The following SIK2 variants were observed in gnomAD, a reference collection of about 807,000 sequenced individuals.
SIK2 encodes the protein salt inducible kinase 2, also known as serine/threonine-protein kinase SIK2.
A neutral mutation model predicts 103.2 loss-of-function variants in SIK2; 29 were observed. The observed-to-expected ratio is 0.28, with a 90% confidence interval of 0.21 to 0.38. The LOEUF is 0.38. SIK2 is among the 10% of genes least tolerant of loss of function. SIK2 has a pLI of 1.00. For synonymous variants in SIK2, 412 were observed against 446.1 expected, an observed-to-expected ratio of 0.92 and a Z score of 0.96; for missense variants, 879 against 1,171.0, an observed-to-expected ratio of 0.75 and a Z score of 3.64.
intron 3 of SIK2, chr11:111,671,731 A>G (rs538008714): frequency 9.9e-6 from 4 of 402,986 alleles, no homozygotes; most frequent in South Asian, 8.6e-5. Flanking sequence ...TGATCTCATC[A>G]GTCAACCCTT....
intron 3 of SIK2, among the ~76,000 whole-genome samples, chr11:111,630,572 T>G (rs1335623398): frequency 1.3e-5 from 2 of 152,132 alleles, no homozygotes; most frequent in African/African-American, 4.8e-5. Flanking sequence ...AATGAAGCTG[T>G]AATAATGAGA....
At chr11:111,604,310 T>C (rs1941620823) in intron 1 of SIK2, among the ~76,000 whole-genome samples, 1 of 152,274 alleles carries the variant, frequency 6.6e-6, no homozygotes. Context: ...TTAATGACTT[T>C]CTAAAAACAA....
At chr11:111,718,950 C>T (rs888523671) in intron 9 of SIK2, 2 of 152,260 alleles carry the variant, frequency 1.3e-5, no homozygotes, top group Non-Finnish European at 2.9e-5. Context: ...GTTCTGCCTG[C>T]CATTAGGCAG....
chr11:111,643,495 T>C (rs1030684771), intron 3 of SIK2, among the ~76,000 whole-genome samples: 17 of 151,740 alleles, frequency 1.1e-4, no homozygotes, highest in Non-Finnish European at 2.4e-4. Context: ...TATTTGAAAA[T>C]GTAGAGTAGA....
At position 111,705,412 on chromosome 11, in the gene SIK2, A is replaced by G. The variant is rs1264633034; in HGVS notation, c.1101+273A>G. ...CCTTTACATTCAATTCCATTTAACA[A>G]ATTTTTATTACAGATTTACCACGTG... On this transcript the variant is annotated intron_variant, in intron 8 of 14. Coordinates refer to ENST00000304987, the MANE Select transcript of SIK2 (RefSeq NM_015191.3). The surrounding 1 kb of genome is among the most constrained non-coding windows in gnomAD (Gnocchi z 4.3). 6.6e-6 allele frequency among the ~76,000 whole-genome samples: 1 copy of G among 152,218 alleles called. No individual in the cohort carries two copies. The highest frequency in any genetic ancestry group is 2.4e-5 in the African/African-American group (1 of 41,454).
chr11:111,713,921 C>T (rs977117846), intron 9 of SIK2, among the ~76,000 whole-genome samples: 8 of 152,070 alleles, frequency 5.3e-5, no homozygotes, highest in Non-Finnish European at 1.0e-4. Flanking sequence ...GAGCCGAGAT[C>T]GTGCCATTGC....
chr11:111,658,990 T>A (rs1460940455), intron 3 of SIK2, among the ~76,000 whole-genome samples: 1 of 152,162 alleles, frequency 6.6e-6, no homozygotes, highest in African/African-American at 2.4e-5. Context: ...CAGAGAAGGA[T>A]TTGAAAATCA....
chr11:111,670,636 C>G (rs1322870534), intron 3 of SIK2, among the ~76,000 whole-genome samples: 2 of 152,212 alleles, frequency 1.3e-5, no homozygotes, highest in Non-Finnish European at 2.9e-5. Flanking sequence ...AAGGCTTGAG[C>G]TCCTCTTGGA....
chr11:111,707,759 T>C (rs1943390142), intron 8 of SIK2, among the ~76,000 whole-genome samples: 1 of 152,176 alleles, frequency 6.6e-6, no homozygotes, highest in African/African-American at 2.4e-5. Context: ...TTTCTTGATA[T>C]AGTAGCAAAA....
intron 3 of SIK2, among the ~76,000 whole-genome samples, chr11:111,662,073 G>A (rs1259071723): frequency 3.3e-5 from 5 of 152,134 alleles, no homozygotes; most frequent in Admixed American, 6.5e-5. Flanking sequence ...GGGCACACTG[G>A]GAACTGCTAA....
At chr11:111,611,248 CAAAA>C (rs68177301) in intron 1 of SIK2, among the ~76,000 whole-genome samples, 2 of 143,186 alleles carry the variant, frequency 1.4e-5, no homozygotes, top group Non-Finnish European at 1.5e-5. Context: ...GACCCTGTCT[CAAAA>C]AAAAAAAAAA....
intron 7 of SIK2, among the ~76,000 whole-genome samples, 183 bp from the exon 8 acceptor site, chr11:111,704,804 C>G (rs1943302873): frequency 6.6e-6 from 1 of 152,186 alleles, no homozygotes; most frequent in Non-Finnish European, 1.5e-5. Context: ...ATAATTAATA[C>G]TAGAGACTTG....
At chr11:111,644,899 G>A (rs1942235399) in intron 3 of SIK2, among the ~76,000 whole-genome samples, 1 of 152,094 alleles carries the variant, frequency 6.6e-6, no homozygotes, top group South Asian at 2.1e-4. Flanking sequence ...GTTACTAATG[G>A]GCTGGGATTT....
At chr11:111,677,582 T>TA (rs1170666558) in intron 3 of SIK2, among the ~76,000 whole-genome samples, 2 of 92,306 alleles carry the variant, frequency 2.2e-5, no homozygotes, top group African/African-American at 4.3e-5. Context: ...AATGCCCAGC[T>TA]AAAATTTTTT....
chr11:111,706,916 C>T (rs1430797868), intron 8 of SIK2, among the ~76,000 whole-genome samples: 6 of 149,538 alleles, frequency 4.0e-5, no homozygotes, highest in East Asian at 3.9e-4. Flanking sequence ...GCCGAGATCC[C>T]GCCACTGCAC....
chr11:111,667,168 C>T (rs2135876700), intron 3 of SIK2, among the ~76,000 whole-genome samples: 1 of 151,854 alleles, frequency 6.6e-6, no homozygotes, highest in South Asian at 2.1e-4. Flanking sequence ...AGGCTGGTCT[C>T]AAACTGCTGT....
chr11:111,689,580 C>A (rs576121454), intron 4 of SIK2, among the ~76,000 whole-genome samples: 1 of 151,792 alleles, frequency 6.6e-6, no homozygotes, highest in South Asian at 2.1e-4. Context: ...GTGTTTTGTT[C>A]TAAGATTGTT....
At position 111,726,786 on chromosome 11, in the gene SIK2, A is replaced by G; in HGVS notation, c.*2657A>G. On this transcript the variant is annotated 3_prime_UTR_variant, in exon 15 of 15. Coordinates refer to ENST00000304987, the MANE Select transcript of SIK2 (RefSeq NM_015191.3). ...ACTCTGAAGTACTGACTTGCTTTCC[A>G]GTCTGATTCACGTTAGCAGTGTGTA... 1 of 604,438 alleles carries G rather than the reference A, an allele frequency of 1.7e-6. No individual in the cohort carries two copies. The highest frequency in any genetic ancestry group is 3.0e-6 in the Non-Finnish European group (1 of 337,866). 37.4% of individuals were successfully genotyped at this position (604,438 alleles called of 1,614,324 possible). A position where few individuals can be genotyped will look rare whatever the true frequency, so the allele number is the denominator to read the frequency against.
At chr11:111,689,416 T>C (rs1340870083) in intron 4 of SIK2, among the ~76,000 whole-genome samples, 1 of 152,092 alleles carries the variant, frequency 6.6e-6, no homozygotes, top group Non-Finnish European at 1.5e-5. Flanking sequence ...GGAAGACTAA[T>C]AAGGAATCTA....
Sources: allele counts gnomAD v4.1 joint callset (sites outside exome capture counted in the v4.1 genomes callset), GRCh38; gene constraint gnomAD v4.1.1; non-coding constraint Gnocchi (gnomAD v3.1); transcripts MANE v1.5; gene names NCBI Gene and HGNC (gene_info 2026-07-23, HGNC 2026-07-21).